Variants in TMEM232 observed in about 807,000 individuals in gnomAD.
TMEM232 encodes the protein transmembrane protein 232.
A neutral mutation model predicts 78.8 loss-of-function variants in TMEM232; 80 were observed. The observed-to-expected ratio is 1.01, with a 90% CI of 0.85 to 1.22. The LOEUF (loss-of-function observed/expected upper bound fraction) is 1.22. Among genes scored for constraint, TMEM232 ranks in the 50% most tolerant of loss-of-function variants. The pLI is 0.00. For missense variants in TMEM232, 881 were observed against 742.2 expected, an observed-to-expected ratio of 1.19 and a Z score of -2.17; for synonymous variants, 297 against 254.3, an observed-to-expected ratio of 1.17 and a Z score of -1.60.
chr5:110,620,640 C>CTCTCTCTCT (rs1783578690), intron 7 of TMEM232, among the ~76,000 whole-genome samples: 1 of 101,908 alleles, frequency 9.8e-6, no homozygotes, highest in African/African-American at 4.5e-5. Flanking sequence ...TCTCTCTCTC[C>CTCTCTCTCT]TCTCTCCTCT....
At chr5:110,598,492 T>G (rs542819779) in intron 10 of TMEM232, among the ~76,000 whole-genome samples, 6 of 152,006 alleles carry the variant, frequency 3.9e-5, no homozygotes, top group Non-Finnish European at 8.8e-5. Flanking sequence ...ACCATTTGAC[T>G]CAGCCATCCC....
intron 1 of TMEM232, among the ~76,000 whole-genome samples, chr5:110,716,504 A>G (rs1166084116): frequency 2.0e-5 from 3 of 152,114 alleles, no homozygotes; most frequent in African/African-American, 2.4e-5. Context: ...TCTCATAAGG[A>G]GCTCACAACC....
chr5:110,613,576 C>T (rs1223677230), intron 8 of TMEM232, among the ~76,000 whole-genome samples: 2 of 152,102 alleles, frequency 1.3e-5, no homozygotes, highest in Non-Finnish European at 2.9e-5. Context: ...GTGTCTTCCA[C>T]CAAGTGTCAC....
intron 1 of TMEM232, among the ~76,000 whole-genome samples, chr5:110,686,969 T>C (rs577867179): frequency 1.1e-4 from 16 of 152,276 alleles, no homozygotes; most frequent in South Asian, 2.1e-4. Context: ...TTGGTCATTA[T>C]GTATTATTGA....
At chr5:110,437,975 A>G (rs1263571872) in intron 12 of TMEM232, among the ~76,000 whole-genome samples, 1 of 152,086 alleles carries the variant, frequency 6.6e-6, no homozygotes, top group African/African-American at 2.4e-5. Context: ...GGTAGTCCTG[A>G]AGGTTTTCAG....
At chr5:110,502,258 G>T (rs147976878) in intron 12 of TMEM232, among the ~76,000 whole-genome samples, 3 of 152,222 alleles carry the variant, frequency 2.0e-5, no homozygotes, top group Non-Finnish European at 4.4e-5. Flanking sequence ...GCTAGTAATG[G>T]TTTGCCAGGG....
chr5:110,448,388 A>T lies in TMEM232; in HGVS notation c.1704-23472T>A, dbSNP rs1580721943. 2.6e-5 allele frequency among the ~76,000 whole-genome samples: 4 copies of T among 152,222 alleles called. 1 individual carries two copies. In the South Asian group the frequency reaches 8.3e-4, roughly 32 times the overall value. The stretch of plus-strand genomic sequence containing the variant: ...AGAGTAATAGTAGTGGCAGAAAGCC[A>T]TTAGACCTTAAACCCTTTAAGAGCA... On this transcript the variant is annotated intron_variant, in intron 12 of 13. Coordinates refer to ENST00000455884, the MANE Select transcript of TMEM232 (RefSeq NM_001039763.4).
chr5:110,525,030 T>C (rs1233987050), intron 12 of TMEM232, among the ~76,000 whole-genome samples: 1 of 152,052 alleles, frequency 6.6e-6, no homozygotes, highest in African/African-American at 2.4e-5. Flanking sequence ...TACATGTCCT[T>C]AAATCTAAAA....
intron 2 of TMEM232, among the ~76,000 whole-genome samples, chr5:110,647,225 T>A (rs1302725598): frequency 2.0e-5 from 3 of 151,926 alleles, no homozygotes; most frequent in Non-Finnish European, 4.4e-5. Context: ...TTTATTGAGA[T>A]CTTGGTTCTT....
chr5:110,539,332 T>C (rs1388078453), intron 11 of TMEM232, among the ~76,000 whole-genome samples: 1 of 152,184 alleles, frequency 6.6e-6, no homozygotes, highest in Non-Finnish European at 1.5e-5. Context: ...AAGGACCCCA[T>C]CTTACCCATT....
chr5:110,576,868 A>G (rs1777631227), intron 10 of TMEM232, among the ~76,000 whole-genome samples: 1 of 151,968 alleles, frequency 6.6e-6, no homozygotes. Context: ...TCCTAACACT[A>G]TGTACAAAAA....
intron 3 of TMEM232, among the ~76,000 whole-genome samples, chr5:110,391,320 T>TGAGAGAGAGAGAGA (rs1433740681): frequency 1.2e-3 from 166 of 139,410 alleles, no homozygotes; most frequent in African/African-American, 4.4e-3. Flanking sequence ...TGTGTGTGTG[T>TGAGAGAGAGAGAGA]GTGTGTGAGA....
At chr5:110,537,090 C>T (rs755340851) in intron 11 of TMEM232, among the ~76,000 whole-genome samples, 41 of 152,018 alleles carry the variant, frequency 2.7e-4, no homozygotes, top group Non-Finnish European at 5.0e-4. Flanking sequence ...AAGCATCACT[C>T]GGGTCACTTG....
chr5:110,609,487 T>C (rs1420361916), intron 8 of TMEM232, among the ~76,000 whole-genome samples: 1 of 152,030 alleles, frequency 6.6e-6, no homozygotes, highest in African/African-American at 2.4e-5. Context: ...ATTTTTTTTT[T>C]AAGTAGTGAG....
At chr5:110,603,591 CTA>C (rs913841221) in intron 10 of TMEM232, among the ~76,000 whole-genome samples, 4 of 152,048 alleles carry the variant, frequency 2.6e-5, no homozygotes, top group African/African-American at 7.2e-5. Context: ...TATTGAGCTG[CTA>C]TGTAGGAAAA....
At chr5:110,401,191 T>TG (rs1257510200) in intron 2 of TMEM232, among the ~76,000 whole-genome samples, 2 of 151,682 alleles carry the variant, frequency 1.3e-5, no homozygotes, top group Non-Finnish European at 2.9e-5. Context: ...AGTTTGAAGA[T>TG]GCTTAGTGGC....
intron 12 of TMEM232, among the ~76,000 whole-genome samples, chr5:110,520,058 G>T (rs963758181): frequency 6.7e-6 from 1 of 150,212 alleles, no homozygotes; most frequent in African/African-American, 2.5e-5. Flanking sequence ...TATAGAGAGA[G>T]AGAGAGAGAG....
chr5:110,510,127 T>G (rs1023280120), intron 12 of TMEM232, among the ~76,000 whole-genome samples: 1 of 152,180 alleles, frequency 6.6e-6, no homozygotes, highest in Non-Finnish European at 1.5e-5. Flanking sequence ...ATGTTGCTTG[T>G]GCCCATGACT....
chr5:110,497,736 A>C (rs1765787939), intron 12 of TMEM232, among the ~76,000 whole-genome samples: 1 of 152,010 alleles, frequency 6.6e-6, no homozygotes, highest in Non-Finnish European at 1.5e-5. Context: ...TGCTTTACAC[A>C]CTTATGGTAT....
Sources: gnomAD v4.1 joint callset for allele counts (sites outside exome capture counted in the v4.1 genomes callset) on GRCh38, gnomAD v4.1.1 for gene constraint, MANE v1.5 for transcripts, NCBI Gene and HGNC (gene_info 2026-07-23, HGNC 2026-07-21) for gene names.